DAZL: variants seen among roughly 807,000 people sequenced by gnomAD.
DAZL encodes deleted in azoospermia like.
DAZL carries 4 observed loss-of-function variants against 45.0 expected under a neutral mutation model. The ratio of observed to expected loss-of-function variants is 0.09; its 90% CI spans 0.04 to 0.20. DAZL has a LOEUF of 0.20. Among genes scored for constraint, DAZL ranks in the 10% least tolerant of loss-of-function variants. DAZL has a pLI of 1.00. For synonymous variants in DAZL, 122 were observed against 112.4 expected (o/e 1.09, Z -0.54); for missense variants, 326 against 351.3 (o/e 0.93, Z 0.58).
Position 16,604,383 on chromosome 3 carries a change from A to C in DAZL, c.3+820T>G, listed in dbSNP as rs1575421515. ...GATCCTGGTTTATCGAGAGGGAAAA[A>C]ACCGTACCCAGAATTTAAAAATTCT... On this transcript the variant is annotated intron_variant, in intron 1 of 10. Transcript: ENST00000399444. 9 of 1,429,340 alleles carry C rather than the reference A, an allele frequency of 6.3e-6. No homozygotes were observed. The East Asian group carries it at 2.3e-4, about 36-fold the overall frequency. The allele number at this position is 1,429,340 out of a possible 1,614,324, so 88.5% of individuals were successfully genotyped here.
At chr3:16,604,588 G>A (rs2125050113) in intron 1 of DAZL, 1 of 1,409,740 alleles carries the variant, frequency 7.1e-7, no homozygotes, top group Non-Finnish European at 9.2e-7. Context: ...ATGCCTTCAG[G>A]ACGCCCCACA....
chr3:16,588,841 T>G (rs1411917761), intron 10 of DAZL, 128 bp from the exon 11 acceptor site: 10 of 738,572 alleles, frequency 1.4e-5, no homozygotes, highest in Admixed American at 1.0e-4. Context: ...AGAAAAAAGA[T>G]TATTCTTTTT....
At position 16,605,254 on chromosome 3, in the gene DAZL, T is replaced by A. The variant is rs2125050540; in HGVS notation, c.-49A>T. The A allele has an allele frequency of 1.9e-6, 3 of 1,613,580 alleles. No individual in the cohort carries two copies. Among genetic ancestry groups the A allele is most frequent in the African/African-American group, 2.7e-5 (2 of 75,066 alleles). ...GACCGGCTCCAGGAGGAGCAGAGGCTGTGCTTGGCGCACCACTTCTGGGGC... is the reference window on the plus strand; with the variant it reads ...GACCGGCTCCAGGAGGAGCAGAGGCAGTGCTTGGCGCACCACTTCTGGGGC... On this transcript the variant is annotated 5_prime_UTR_variant, in exon 1 of 11. Coordinates refer to ENST00000399444, the MANE Select transcript of DAZL (RefSeq NM_001351.4).
chr3:16,598,613 G>A lies in DAZL; in HGVS notation c.4-15C>T, dbSNP rs1694636279. ...TTTGCAGTAGACTGTAATTTGGAAA[G>A]TAGACATCATAATTAGATACACAGG... On this transcript the variant is annotated splice_polypyrimidine_tract_variant and intron_variant, in intron 1 of 10. Transcript: ENST00000399444. 8 of 1,589,434 alleles carry A rather than the reference G, an allele frequency of 5.0e-6. No individual in the cohort carries two copies. Among genetic ancestry groups the A allele is most frequent in the Non-Finnish European group, 6.8e-6 (8 of 1,173,816 alleles).
At chr3:16,589,469 G>C (rs1233874947) in intron 10 of DAZL, among the ~76,000 whole-genome samples, 1 of 152,092 alleles carries the variant, frequency 6.6e-6, no homozygotes, top group Non-Finnish European at 1.5e-5. Flanking sequence ...TCCTATTTAA[G>C]TTAAAATCTA....
intron 1 of DAZL, chr3:16,604,845 G>A (rs984486167): frequency 1.3e-6 from 1 of 772,674 alleles, no homozygotes; most frequent in Non-Finnish European, 2.0e-6. Context: ...GGGGCGGGGT[G>A]GGGCAGTCGG....
At chr3:16,594,451 G>A in intron 8 of DAZL, 82 bp downstream of exon 8, 1 of 1,053,884 alleles carries the variant, frequency 9.5e-7, no homozygotes, top group East Asian at 2.6e-5. Context: ...TATATGACAT[G>A]GAAAACAATC....
At chr3:16,604,834 G>T in intron 1 of DAZL, 1 of 907,648 alleles carries the variant, frequency 1.1e-6, no homozygotes, top group South Asian at 1.9e-5. Flanking sequence ...GCGTGGGAGT[G>T]GGGGCGGGGT....
rs1219279051 is a variant in DAZL at position 16,604,606 on chromosome 3, C to G, written c.3+597G>C. 6 of 1,383,528 alleles carry G rather than the reference C, an allele frequency of 4.3e-6. No homozygotes were observed. The African/African-American group carries it at 4.4e-5, about 10-fold the overall frequency. The allele number at this position is 1,383,528 out of a possible 1,614,324, so 85.7% of individuals were successfully genotyped here. The stretch of plus-strand genomic sequence containing the variant: ...CCTTCAGGACGCCCCACACCCCACG[C>G]TGAGGCCCCCACGAACCCCGCCCAC... On this transcript the variant is annotated intron_variant, in intron 1 of 10. Transcript: ENST00000399444.
intron 4 of DAZL, 27 bp from the exon 5 acceptor site, chr3:16,597,078 G>C (rs757804002): frequency 3.1e-6 from 5 of 1,601,066 alleles, no homozygotes; most frequent in Middle Eastern, 2.3e-4. Flanking sequence ...AACAAAACTA[G>C]AATCAATTTT....
At chr3:16,592,011 A>T in intron 10 of DAZL, 39 bp downstream of exon 10, 3 of 1,581,798 alleles carry the variant, frequency 1.9e-6, no homozygotes, top group East Asian at 4.5e-5. Flanking sequence ...AAAGCTAACA[A>T]GTGTGCTTTT....
intron 1 of DAZL, among the ~76,000 whole-genome samples, chr3:16,602,537 C>A (rs1056549167): frequency 3.9e-5 from 6 of 152,178 alleles, no homozygotes; most frequent in Non-Finnish European, 5.9e-5. Flanking sequence ...AAAAGTATTT[C>A]TCAACGCATT....
Position 16,588,602 on chromosome 3 carries a change from CT to C in DAZL, c.*57del. On this transcript the variant is annotated 3_prime_UTR_variant, in exon 11 of 11. Coordinates refer to ENST00000399444, the MANE Select transcript of DAZL (RefSeq NM_001351.4). The stretch of plus-strand genomic sequence containing the variant: ...TCAGAATTTCTATAATAGTGGAAAC[CT>C]TTTAGCTTAATATTCAAAACCAGCA... 7.3e-7 allele frequency: 1 copy of C among 1,362,168 alleles called. No homozygotes were observed. Among genetic ancestry groups the C allele is most frequent in the Non-Finnish European group, 1.1e-6 (1 of 950,866 alleles). The allele number at this position is 1,362,168 out of a possible 1,614,324, so 84.4% of individuals were successfully genotyped here. A position where few individuals can be genotyped will look rare whatever the true frequency, so the allele number is the denominator to read the frequency against.
At chr3:16,604,704 G>A in intron 1 of DAZL, 3 of 1,360,818 alleles carry the variant, frequency 2.2e-6, no homozygotes, top group African/African-American at 3.0e-5. Context: ...AAGAAGGCAA[G>A]TCCCTCAGCA....
intron 4 of DAZL, 123 bp downstream of exon 4, chr3:16,597,367 A>C (rs1224704431): frequency 1.2e-6 from 1 of 803,970 alleles, no homozygotes; most frequent in African/African-American, 1.7e-5. Context: ...GATTCCTCTA[A>C]GTTTGGATTT....
intron 9 of DAZL, among the ~76,000 whole-genome samples, chr3:16,592,933 T>C (rs902031791): frequency 2.0e-5 from 3 of 152,176 alleles, no homozygotes; most frequent in Admixed American, 1.3e-4. Flanking sequence ...ATAGTATTAT[T>C]ATGGAAATTT....
At chr3:16,600,075 TTGAAACATCAGGAAACTA>T (rs1239487925) in intron 1 of DAZL, among the ~76,000 whole-genome samples, 1 of 152,166 alleles carries the variant, frequency 6.6e-6, no homozygotes, top group East Asian at 1.9e-4. Flanking sequence ...TAAGAACGAA[TTGAAACATCAGGAAACTA>T]TGAAACATCA....
chr3:16,602,200 A>G lies in DAZL; in HGVS notation c.3+3003T>C, dbSNP rs544638522. Among the ~76,000 whole-genome samples the G allele has an allele frequency of 5.8e-4, 89 of 152,328 alleles. No homozygotes were observed. The South Asian group carries it at 7.5e-3, about 13-fold the overall frequency. On this transcript the variant is annotated intron_variant, in intron 1 of 10. Coordinates refer to ENST00000399444, the MANE Select transcript of DAZL (RefSeq NM_001351.4). ...AGAAAAGGCAAGAAAGCAAAAGGAT[A>G]TATGAGACCTGAGAAATGGGTTATG... is the stretch of plus-strand genomic sequence containing the variant.
chr3:16,604,966 C>T (rs141123960), intron 1 of DAZL, among the ~76,000 whole-genome samples: 1,730 of 152,326 alleles, frequency 0.011, 17 homozygotes, highest in South Asian at 0.027. Context: ...AGCGCGTCCT[C>T]GGGGCCCACC....
Sources: gnomAD v4.1 joint callset for allele counts (sites outside exome capture counted in the v4.1 genomes callset) on GRCh38, gnomAD v4.1.1 for gene constraint, MANE v1.5 for transcripts, NCBI Gene and HGNC (gene_info 2026-07-23, HGNC 2026-07-21) for gene names.